The following MED13 variants were observed in gnomAD, a reference collection of about 807,000 sequenced individuals.
MED13 encodes mediator of RNA polymerase II transcription subunit 13.
A neutral mutation model predicts 225.2 loss-of-function variants in MED13; 23 were observed. The observed-to-expected ratio is 0.10, with a 90% CI of 0.07 to 0.14. The LOEUF (loss-of-function observed/expected upper bound fraction) is 0.14. Among genes scored for constraint, MED13 ranks in the 10% least tolerant of loss-of-function variants. MED13 has a pLI of 1.00. For missense variants in MED13, 2,197 were observed against 2,594.5 expected, an observed-to-expected ratio of 0.85 and a Z score of 3.33; for synonymous variants, 942 against 889.2, an observed-to-expected ratio of 1.06 and a Z score of -1.06.
At chr17:62,041,307 C>T (rs1218818576) in intron 3 of MED13, among the ~76,000 whole-genome samples, 1 of 152,130 alleles carries the variant, frequency 6.6e-6, no homozygotes, top group Admixed American at 6.6e-5. Context: ...TGATTCCACT[C>T]ATATGAGGTA....
rs1183131332 is a variant in MED13 at position 62,016,178 on chromosome 17, C to CA, written c.1284-4946dup. On this transcript the variant is annotated intron_variant, in intron 8 of 29. Transcript: ENST00000397786. Reference sequence around the variant, plus strand: ...AAACACAAAAAACCAAGAACAACAACAAAAAAAAAAACCCAGCAGGTCCTA... The same window carrying CA: ...AAACACAAAAAACCAAGAACAACAACAAAAAAAAAAAACCCAGCAGGTCCTA... Among the ~76,000 whole-genome samples, 1,250 of 136,452 alleles carry CA rather than the reference C, an allele frequency of 9.2e-3. 19 individuals are homozygous for CA. Among genetic ancestry groups the CA allele is most frequent in the African/African-American group, 0.031 (1,123 of 36,424 alleles). 89.5% of individuals were successfully genotyped at this position (136,452 alleles called of 152,430 possible).
At chr17:62,028,558 AAAAAG>A (rs1394691230) in intron 8 of MED13, among the ~76,000 whole-genome samples, 1 of 152,176 alleles carries the variant, frequency 6.6e-6, no homozygotes, top group Admixed American at 6.6e-5. Flanking sequence ...AAGCTTAAAA[AAAAAG>A]AAATGAAATT....
At chr17:61,978,885 T>C (rs1284896632) in intron 16 of MED13, among the ~76,000 whole-genome samples, 1 of 152,218 alleles carries the variant, frequency 6.6e-6, no homozygotes, top group Non-Finnish European at 1.5e-5. Flanking sequence ...TAATCACTGG[T>C]CCATGTGTTG....
intron 9 of MED13, chr17:62,004,906 T>C (rs979655015): frequency 1.3e-5 from 2 of 151,110 alleles, no homozygotes; most frequent in Admixed American, 6.6e-5. Context: ...ACTTTTTTTT[T>C]TTTTTTTTTT....
At chr17:62,056,198 G>A (rs957490026) in intron 2 of MED13, among the ~76,000 whole-genome samples, 42 of 152,200 alleles carry the variant, frequency 2.8e-4, no homozygotes, top group African/African-American at 1.0e-3. Context: ...AGCCTACTGA[G>A]CCAAGTTTCT....
intron 3 of MED13, among the ~76,000 whole-genome samples, chr17:62,041,174 T>C (rs550465200): frequency 6.6e-6 from 1 of 152,308 alleles, no homozygotes; most frequent in South Asian, 2.1e-4. Context: ...ATGTAGTATA[T>C]ACATACAACG....
At chr17:62,039,025 G>GC (rs2080830028) in intron 3 of MED13, among the ~76,000 whole-genome samples, 1 of 152,082 alleles carries the variant, frequency 6.6e-6, no homozygotes, top group Non-Finnish European at 1.5e-5. Flanking sequence ...TTGATATAAA[G>GC]GGATAAATTG....
intron 9 of MED13, among the ~76,000 whole-genome samples, chr17:61,998,061 A>C (rs2080360972): frequency 6.6e-6 from 1 of 152,222 alleles, no homozygotes; most frequent in Admixed American, 6.5e-5. Flanking sequence ...TTTAAAATAT[A>C]AATTCATTTA....
chr17:61,995,242 T>C lies in MED13; in HGVS notation c.2091A>G (p.Pro697=), dbSNP rs745897805. The change falls in exon 10 of 30, where the codon CCA becomes CCG. Residue 697 remains proline, a synonymous_variant. Transcript: ENST00000397786. ...CCTCATCTCCTTCAACAAATGCATATGGATCAATTTTAGGTTCTTGTTCTG... is the reference window on the plus strand; with the variant it reads ...CCTCATCTCCTTCAACAAATGCATACGGATCAATTTTAGGTTCTTGTTCTG... The part of the protein sequence containing the change: ...SDAEQEPKID[P]YAFVEGDEEF... 16 of 1,613,694 alleles carry C rather than the reference T, an allele frequency of 9.9e-6. No individual in the cohort carries two copies. The East Asian group carries it at 3.6e-4, about 36-fold the overall frequency.
chr17:61,983,891 G>A (rs2080226182), intron 15 of MED13, among the ~76,000 whole-genome samples: 1 of 151,962 alleles, frequency 6.6e-6, no homozygotes, highest in Non-Finnish European at 1.5e-5. Flanking sequence ...ACCACGCTTG[G>A]CTAATTTTTG....
chr17:62,024,091 C>T (rs150518420), intron 8 of MED13, among the ~76,000 whole-genome samples: 1 of 151,880 alleles, frequency 6.6e-6, no homozygotes, highest in Non-Finnish European at 1.5e-5. Context: ...CATCTTGGCT[C>T]ACTGCAACCT....
At chr17:62,013,450 GA>G (rs1446770473) in intron 8 of MED13, among the ~76,000 whole-genome samples, 2 of 151,816 alleles carry the variant, frequency 1.3e-5, no homozygotes, top group African/African-American at 4.8e-5. Context: ...AATAACTATA[GA>G]AAAAACCCTA....
At position 61,995,353 on chromosome 17, in the gene MED13, T is replaced by C. The variant is rs767200505; in HGVS notation, c.1980A>G (p.Gln660=). 21 of 1,607,642 alleles carry C rather than the reference T, an allele frequency of 1.3e-5. No individual in the cohort carries two copies. In the East Asian group the frequency reaches 1.3e-4, roughly 10 times the overall value. The change falls in exon 10 of 30, where the codon CAA becomes CAG. Residue 660 remains glutamine, a synonymous_variant. Transcript: ENST00000397786. ...SVTSVTELMV[Q]CKKPLKVSDE... ...CAGAAACTTTTAAAGGTTTCTTACA[T>C]TGCACCATTAACCTGCATAAAAAAA...
chr17:61,990,629 A>ATGTG (rs1213731749), intron 11 of MED13, among the ~76,000 whole-genome samples: 1 of 59,416 alleles, frequency 1.7e-5, no homozygotes, highest in African/African-American at 7.1e-5. Context: ...CGCACTGTGT[A>ATGTG]TATATATATA....
chr17:62,015,898 CACATACACACTATACACATA>C (rs1567979490), intron 8 of MED13, among the ~76,000 whole-genome samples: 6 of 87,270 alleles, frequency 6.9e-5, no homozygotes, highest in African/African-American at 2.4e-4. Flanking sequence ...CACACACACA[CACATACACACTATACACATA>C]TATATATATA....
chr17:61,954,749 C>T (rs1046578724), intron 26 of MED13, among the ~76,000 whole-genome samples: 3 of 152,068 alleles, frequency 2.0e-5, no homozygotes, highest in Non-Finnish European at 4.4e-5. Context: ...TGCACTCCAG[C>T]TTGGGAGACA....
chr17:61,987,930 T>C (rs1269114642), intron 11 of MED13, among the ~76,000 whole-genome samples: 1 of 151,374 alleles, frequency 6.6e-6, no homozygotes, highest in Non-Finnish European at 1.5e-5. Flanking sequence ...TTTCCTCGAG[T>C]TGGGGTTTTG....
rs199927450 is a variant in MED13 at position 61,992,632 on chromosome 17, A to G, written c.2182-11T>C. The G allele has an allele frequency of 1.8e-4, 280 of 1,574,508 alleles. No individual in the cohort carries two copies. The African/African-American group carries it at 2.9e-3, about 16-fold the overall frequency. ...TGTCCCATCTTCTACCTGCAAACAA[A>G]TATTTCATGTTAGGCTGAAATATAT... is the stretch of plus-strand genomic sequence containing the variant. On this transcript the variant is annotated splice_polypyrimidine_tract_variant and intron_variant, in intron 10 of 29. Transcript: ENST00000397786.
intron 8 of MED13, among the ~76,000 whole-genome samples, chr17:62,015,024 A>T (rs1228383667): frequency 6.6e-6 from 1 of 152,214 alleles, no homozygotes; most frequent in Non-Finnish European, 1.5e-5. Context: ...GGCACTCTAT[A>T]GGAGGAACTG....
Sources: allele counts gnomAD v4.1 joint callset (sites outside exome capture counted in the v4.1 genomes callset), GRCh38; gene constraint gnomAD v4.1.1; transcripts MANE v1.5; gene names NCBI Gene and HGNC (gene_info 2026-07-23, HGNC 2026-07-21).